The following TYR variants were observed in gnomAD, a reference collection of about 807,000 sequenced individuals.
The protein encoded by TYR is tyrosinase.
In TYR, 58 loss-of-function variants were observed where a neutral mutation model predicts 51.5. The ratio of observed to expected loss-of-function variants is 1.13; its 90% CI spans 0.91 to 1.40. The LOEUF (loss-of-function observed/expected upper bound fraction) is 1.40, where lower values mean the gene tolerates loss of function less well. Among genes scored for constraint, TYR ranks in the 40% most tolerant of loss-of-function variants. TYR has a pLI of 0.00. For synonymous variants in TYR, 263 were observed against 235.2 expected (o/e 1.12, Z -1.08); for missense variants, 732 against 647.4 (o/e 1.13, Z -1.42).
intron 2 of TYR, among the ~76,000 whole-genome samples, chr11:89,206,486 G>A (rs1193334381): frequency 2.0e-5 from 3 of 152,140 alleles, no homozygotes; most frequent in African/African-American, 7.2e-5. Context: ...CTTAAAATTT[G>A]TGAAGCAAAA....
At chr11:89,250,802 G>A (rs1257522190) in intron 3 of TYR, among the ~76,000 whole-genome samples, 2 of 151,836 alleles carry the variant, frequency 1.3e-5, no homozygotes, top group African/African-American at 4.8e-5. Context: ...CACATTCTGA[G>A]GTACTTGGGA....
intron 3 of TYR, among the ~76,000 whole-genome samples, chr11:89,257,641 A>G (rs141408886): frequency 0.02 from 2,991 of 152,178 alleles, 120 homozygotes; most frequent in African/African-American, 0.069. Flanking sequence ...ATTAGGTTAT[A>G]TGTGAAAACA....
chr11:89,192,266 T>C (rs1943456216), intron 2 of TYR, among the ~76,000 whole-genome samples: 1 of 151,994 alleles, frequency 6.6e-6, no homozygotes, highest in African/African-American at 2.4e-5. Flanking sequence ...TCACATAAAT[T>C]TGCATTAGGA....
At chr11:89,192,997 T>G (rs567856438) in intron 2 of TYR, among the ~76,000 whole-genome samples, 1 of 152,232 alleles carries the variant, frequency 6.6e-6, no homozygotes, top group South Asian at 2.1e-4. Context: ...AGAGTTTCTT[T>G]AAAGTGGACA....
chr11:89,236,279 T>C (rs1231830374), intron 3 of TYR, among the ~76,000 whole-genome samples: 1 of 151,908 alleles, frequency 6.6e-6, no homozygotes, highest in Non-Finnish European at 1.5e-5. Context: ...AAGAGGTTTT[T>C]TCTGTAGCCC....
rs529767076 is a variant in TYR at position 89,295,193 on chromosome 11, C to T, written c.1417C>T (p.Arg473Trp). Residue 473 changes from arginine to tryptophan, a missense_variant, in exon 5 of 5, where the codon CGG becomes TGG. Arg to Trp is a moderately radical substitution (Grantham distance 101). Transcript: ENST00000263321. ...YIKSYLEQAS[R>W]IWSWLLGAAM... ...TAAGTCCTATTTGGAACAAGCGAGT[C>T]GGATCTGGTCATGGCTCCTTGGGGC... 1.9e-6 allele frequency: 3 copies of T among 1,613,820 alleles called. No individual in the cohort carries two copies. Among genetic ancestry groups the T allele is most frequent in the African/African-American group, 1.3e-5 (1 of 74,922 alleles).
At chr11:89,250,706 A>C (rs866975340) in intron 3 of TYR, among the ~76,000 whole-genome samples, 5 of 151,806 alleles carry the variant, frequency 3.3e-5, no homozygotes, top group Admixed American at 6.6e-5. Flanking sequence ...CTGTGTCCTA[A>C]ACTTCTCTTC....
chr11:89,256,945 T>G (rs1246858243), intron 3 of TYR, among the ~76,000 whole-genome samples: 1 of 151,738 alleles, frequency 6.6e-6, no homozygotes, highest in Non-Finnish European at 1.5e-5. Flanking sequence ...CAGAGAGGGA[T>G]GTAGGGGTGT....
chr11:89,207,293 T>A (rs2135266068), intron 2 of TYR, among the ~76,000 whole-genome samples: 1 of 152,220 alleles, frequency 6.6e-6, no homozygotes, highest in Non-Finnish European at 1.5e-5. Flanking sequence ...GGGATATCAA[T>A]ACAGATCTTG....
chr11:89,292,312 A>G (rs1248476950), intron 4 of TYR, among the ~76,000 whole-genome samples: 2 of 152,082 alleles, frequency 1.3e-5, no homozygotes, highest in South Asian at 4.1e-4. Flanking sequence ...TTCTAGAATT[A>G]TATCAATGAT....
At chr11:89,234,027 C>T (rs1221423584) in intron 3 of TYR, among the ~76,000 whole-genome samples, 1 of 143,400 alleles carries the variant, frequency 7.0e-6, no homozygotes, top group African/African-American at 2.8e-5. Flanking sequence ...TTCTAGATGG[C>T]ATATTCTTCT....
chr11:89,247,358 C>A (rs1314584637), intron 3 of TYR, among the ~76,000 whole-genome samples: 1 of 152,160 alleles, frequency 6.6e-6, no homozygotes, highest in Admixed American at 6.5e-5. Context: ...CTGAGGCAGG[C>A]AGGCATCGAC....
intron 1 of TYR, among the ~76,000 whole-genome samples, chr11:89,188,066 A>G (rs1046255112): frequency 6.6e-6 from 1 of 150,474 alleles, no homozygotes; most frequent in Admixed American, 6.6e-5. Context: ...AAAAAGTTAA[A>G]GGAGTTAAAA....
intron 2 of TYR, among the ~76,000 whole-genome samples, chr11:89,220,409 C>G (rs1292906527): frequency 6.6e-6 from 1 of 152,046 alleles, no homozygotes; most frequent in Non-Finnish European, 1.5e-5. Flanking sequence ...AGAAATTTGC[C>G]CCATGATCAA....
At chr11:89,217,346 C>A (rs558809410) in intron 2 of TYR, among the ~76,000 whole-genome samples, 5 of 152,078 alleles carry the variant, frequency 3.3e-5, no homozygotes, top group Non-Finnish European at 7.4e-5. Context: ...ATCCAAAATC[C>A]AATTTGGATG....
chr11:89,254,126 T>A (rs1187636184), intron 3 of TYR, among the ~76,000 whole-genome samples: 2 of 151,860 alleles, frequency 1.3e-5, no homozygotes, highest in African/African-American at 2.4e-5. Context: ...GTATATCACA[T>A]TTACTGACTT....
At chr11:89,284,624 T>A in intron 3 of TYR, 149 bp from the exon 4 acceptor site, 3 of 712,524 alleles carry the variant, frequency 4.2e-6, no homozygotes, top group Non-Finnish European at 2.4e-6. Flanking sequence ...ACTAATACTT[T>A]ACGAAATATT....
intron 3 of TYR, among the ~76,000 whole-genome samples, chr11:89,259,384 C>T (rs1043519791): frequency 3.9e-5 from 6 of 152,072 alleles, no homozygotes; most frequent in African/African-American, 1.4e-4. Context: ...AAGGTTGACA[C>T]TATTTAAACT....
At chr11:89,180,832 A>C (rs1943291587) in intron 1 of TYR, among the ~76,000 whole-genome samples, 1 of 152,186 alleles carries the variant, frequency 6.6e-6, no homozygotes, top group African/African-American at 2.4e-5. Flanking sequence ...GGCTGTTTCC[A>C]TTCCTTCACA....
Sources: gnomAD v4.1 joint callset for allele counts (sites outside exome capture counted in the v4.1 genomes callset) on GRCh38, gnomAD v4.1.1 for gene constraint, MANE v1.5 for transcripts, NCBI Gene and HGNC (gene_info 2026-07-23, HGNC 2026-07-21) for gene names.